Variants in PXDNL observed in about 807,000 individuals in gnomAD.
PXDNL encodes the protein peroxidasin like.
PXDNL carries 145 observed loss-of-function variants against 150.8 expected under a neutral mutation model. The observed-to-expected ratio is 0.96, with a 90% CI of 0.84 to 1.10. The LOEUF (loss-of-function observed/expected upper bound fraction) is 1.10, where lower values mean the gene tolerates loss of function less well. Among genes scored for constraint, PXDNL ranks in the 50% least tolerant of loss-of-function variants. PXDNL has a pLI of 0.00. For missense variants in PXDNL, 2,087 were observed against 1,873.9 expected (o/e 1.11, Z -2.10); for synonymous variants, 757 against 725.7 (o/e 1.04, Z -0.69).
At chr8:51,759,766 T>A (rs1298833709) in intron 1 of PXDNL, among the ~76,000 whole-genome samples, 1 of 152,260 alleles carries the variant, frequency 6.6e-6, no homozygotes, top group African/African-American at 2.4e-5. Flanking sequence ...CTGCTCCAGT[T>A]TCCTAGACAG....
At chr8:51,406,494 A>C (rs537693185) in intron 17 of PXDNL, among the ~76,000 whole-genome samples, 1 of 152,296 alleles carries the variant, frequency 6.6e-6, no homozygotes, top group African/African-American at 2.4e-5. Context: ...AGTGAAGATC[A>C]GATTCCCTTG....
At chr8:51,620,002 C>T (rs1814213454) in intron 2 of PXDNL, among the ~76,000 whole-genome samples, 1 of 152,110 alleles carries the variant, frequency 6.6e-6, no homozygotes, top group South Asian at 2.1e-4. Context: ...ATCCGTTCTA[C>T]TTTTCTATTG....
At chr8:51,436,305 T>C in intron 12 of PXDNL, 3 of 477,580 alleles carry the variant, frequency 6.3e-6, no homozygotes, top group Non-Finnish European at 4.3e-6. Flanking sequence ...AAATAGGACC[T>C]TGTTTTGTCT....
chr8:51,503,024 C>T (rs1216271020), intron 4 of PXDNL, among the ~76,000 whole-genome samples: 1 of 152,058 alleles, frequency 6.6e-6, no homozygotes, highest in African/African-American at 2.4e-5. Flanking sequence ...TTCATATTTA[C>T]TATGAATTGC....
chr8:51,683,351 G>A (rs924536764), intron 1 of PXDNL, among the ~76,000 whole-genome samples: 1 of 150,932 alleles, frequency 6.6e-6, no homozygotes, highest in African/African-American at 2.4e-5. Context: ...TCATCTGCCT[G>A]TTGGCTATTT....
At chr8:51,373,563 T>A (rs1299034278) in intron 18 of PXDNL, among the ~76,000 whole-genome samples, 1 of 152,194 alleles carries the variant, frequency 6.6e-6, no homozygotes, top group Non-Finnish European at 1.5e-5. Flanking sequence ...TTTTAAAAAA[T>A]TAATGAAATA....
At chr8:51,733,852 T>A (rs993591095) in intron 1 of PXDNL, among the ~76,000 whole-genome samples, 2 of 147,490 alleles carry the variant, frequency 1.4e-5, no homozygotes, top group Admixed American at 6.8e-5. Flanking sequence ...ATATATGATA[T>A]ATATGATATA....
At chr8:51,604,262 A>C (rs1036371473) in intron 2 of PXDNL, among the ~76,000 whole-genome samples, 1 of 152,212 alleles carries the variant, frequency 6.6e-6, no homozygotes, top group African/African-American at 2.4e-5. Flanking sequence ...ATGTCCAACA[A>C]CAATAGACTG....
chr8:51,491,011 GGC>G (rs1810879945), intron 5 of PXDNL, among the ~76,000 whole-genome samples: 1 of 152,050 alleles, frequency 6.6e-6, no homozygotes, highest in Non-Finnish European at 1.5e-5. Flanking sequence ...AATCTGAGTA[GGC>G]ACCATCTAAT....
chr8:51,486,883 C>T (rs1009284452), intron 5 of PXDNL, among the ~76,000 whole-genome samples: 1 of 136,362 alleles, frequency 7.3e-6, no homozygotes, highest in Non-Finnish European at 1.5e-5. Context: ...TCACTGAAAC[C>T]TCCGCCTCCT....
chr8:51,731,631 C>CA (rs1328708440), intron 1 of PXDNL, among the ~76,000 whole-genome samples: 1 of 152,230 alleles, frequency 6.6e-6, no homozygotes, highest in Non-Finnish European at 1.5e-5. Context: ...AGAGGTTCTC[C>CA]ATTAGGGCTC....
intron 19 of PXDNL, among the ~76,000 whole-genome samples, chr8:51,366,758 C>G (rs1806931617): frequency 6.6e-6 from 1 of 152,104 alleles, no homozygotes; most frequent in African/African-American, 2.4e-5. Flanking sequence ...GCAGCAGCTA[C>G]TTTGTTACAG....
At chr8:51,574,872 T>G (rs2130603875) in intron 3 of PXDNL, among the ~76,000 whole-genome samples, 1 of 152,056 alleles carries the variant, frequency 6.6e-6, no homozygotes, top group Middle Eastern at 3.4e-3. Flanking sequence ...ATCAAGAGCA[T>G]TTGTCAACAG....
In PXDNL at chr8:51,598,858, AT is replaced by A. The variant is rs1384241164; in HGVS notation, c.237-6161del. ...TCTGGTAGCATTCGGCTGTGAATCC[AT>A]TTGGTACAAGGCTTATTTTGGTTGA... On this transcript the variant is annotated intron_variant, in intron 2 of 22. Transcript: ENST00000356297. Among the ~76,000 whole-genome samples, 5 of 151,968 alleles carry A rather than the reference AT, an allele frequency of 3.3e-5. No individual in the cohort carries two copies. In the East Asian group the frequency reaches 9.6e-4, roughly 29 times the overall value.
intron 22 of PXDNL, 48 bp downstream of exon 22, chr8:51,320,736 G>T (rs1472596405): frequency 7.8e-7 from 1 of 1,285,088 alleles, no homozygotes; most frequent in Non-Finnish European, 1.1e-6. Context: ...TCAACTGGCT[G>T]GCTAGAAGTG....
chr8:51,323,782 G>T (rs1805396022), intron 21 of PXDNL, among the ~76,000 whole-genome samples: 5 of 151,988 alleles, frequency 3.3e-5, no homozygotes, highest in African/African-American at 1.2e-4. Flanking sequence ...CGGGCGTAGT[G>T]GTGGGTGCCT....
chr8:51,367,006 C>A (rs867780857), intron 19 of PXDNL, among the ~76,000 whole-genome samples: 1 of 142,824 alleles, frequency 7.0e-6, no homozygotes, highest in African/African-American at 2.6e-5. Flanking sequence ...GAGGCTGAGG[C>A]AGGGGAATCG....
At chr8:51,800,784 TGTC>T (rs1393102128) in intron 1 of PXDNL, among the ~76,000 whole-genome samples, 1 of 152,242 alleles carries the variant, frequency 6.6e-6, no homozygotes, top group African/African-American at 2.4e-5. Context: ...TTCTTATGCC[TGTC>T]TTACTTTACT....
rs184568799 is a variant in PXDNL, at chr8:51,408,416, T to C, written c.3208A>G (p.Thr1070Ala). Residue 1070 changes from threonine (T) to alanine (A), a missense_variant, in exon 17 of 23, where the codon ACC becomes GCC. Transcript: ENST00000356297. ...TGGCCTTCGGAAATTTCACCTAAGG[T>C]GGCATTCAGTCGGTAAAGAATAGGA... Reference protein sequence around the residue: ...INPILYRLNATLGEISEGHLP... With the variant: ...INPILYRLNAALGEISEGHLP... 1 of 1,614,040 alleles carries C rather than the reference T, an allele frequency of 6.2e-7. No homozygotes were observed. Among genetic ancestry groups the C allele is most frequent in the African/African-American group, 1.3e-5 (1 of 75,064 alleles).
Sources: gnomAD v4.1 joint callset for allele counts (sites outside exome capture counted in the v4.1 genomes callset) on GRCh38, gnomAD v4.1.1 for gene constraint, MANE v1.5 for transcripts, NCBI Gene and HGNC (gene_info 2026-07-23, HGNC 2026-07-21) for gene names.